THSD4: variants seen among roughly 807,000 people sequenced by gnomAD.
The protein encoded by THSD4 is thrombospondin type 1 domain containing 4.
Under a neutral mutation model 119.0 loss-of-function variants are expected in THSD4, and 69 were observed. The observed-to-expected ratio is 0.58, with a 90% CI of 0.48 to 0.71. The LOEUF (loss-of-function observed/expected upper bound fraction) is 0.71. THSD4 is among the 30% of genes least tolerant of loss of function. The pLI, the probability that THSD4 is intolerant of heterozygous loss-of-function variation, is 0.00. For synonymous variants in THSD4, 524 were observed against 540.4 expected, an observed-to-expected ratio of 0.97 and a Z score of 0.42; for missense variants, 1,393 against 1,391.1, an observed-to-expected ratio of 1.00 and a Z score of -0.02.
intron 4 of THSD4, among the ~76,000 whole-genome samples, chr15:71,225,539 C>CTTTTTTTTTTTTTTT (rs1040381361): frequency 1.9e-5 from 2 of 105,384 alleles, no homozygotes; most frequent in Non-Finnish European, 2.0e-5. Flanking sequence ...TTTTCTTTTT[C>CTTTTTTTTTTTTTTT]TTTTTTTTTT....
intron 11 of THSD4, among the ~76,000 whole-genome samples, chr15:71,740,586 C>A (rs914588368): frequency 6.6e-6 from 1 of 152,148 alleles, no homozygotes; most frequent in African/African-American, 2.4e-5. Flanking sequence ...CCCTGTGTCT[C>A]CTCCAGACGC....
chr15:71,770,672 A>G (rs1279860873), intron 16 of THSD4, among the ~76,000 whole-genome samples: 1 of 152,164 alleles, frequency 6.6e-6, no homozygotes, highest in Non-Finnish European at 1.5e-5. Context: ...AAAAAAATCT[A>G]TAGGATTCGC....
chr15:71,642,780 TCA>T (rs1386530900), intron 7 of THSD4, among the ~76,000 whole-genome samples: 1 of 149,658 alleles, frequency 6.7e-6, no homozygotes, highest in African/African-American at 2.5e-5. Flanking sequence ...AAGGGGAACA[TCA>T]CACTCTGGGG....
intron 8 of THSD4, among the ~76,000 whole-genome samples, chr15:71,702,490 G>A (rs959858692): frequency 2.0e-5 from 3 of 152,024 alleles, no homozygotes. Context: ...CTGAATTTGG[G>A]GGCTCAAGCC....
intron 11 of THSD4, among the ~76,000 whole-genome samples, chr15:71,738,639 G>T (rs2053175142): frequency 6.6e-6 from 1 of 152,218 alleles, no homozygotes; most frequent in African/African-American, 2.4e-5. Context: ...GAGTCACACA[G>T]GGATGCACTT....
intron 6 of THSD4, among the ~76,000 whole-genome samples, chr15:71,375,864 A>G (rs2046128928): frequency 6.6e-6 from 1 of 152,172 alleles, no homozygotes; most frequent in African/African-American, 2.4e-5. Context: ...GGACCCTGGC[A>G]ATCTGGGTTT....
chr15:71,737,945 G>T lies in THSD4; in HGVS notation c.1844G>T (p.Arg615Leu). Residue 615 changes from arginine (R) to leucine (L), a missense_variant, in exon 11 of 18, where the codon CGC (arginine) becomes CTC (leucine). By Grantham distance (102) the Arg-to-Leu change is moderately radical. Transcript: ENST00000261862. The stretch of plus-strand genomic sequence containing the variant: ...CCACCAGCACCGCAGCCCCCACGGC[G>T]CAGCCGGGATCACAACTGGAAGCAG... ...LVPPAPQPPR[R>L]SRDHNWKQLG... The T allele has an allele frequency of 6.2e-7, 1 of 1,614,052 alleles. No individual in the cohort carries two copies. The highest frequency in any genetic ancestry group is 8.5e-7 in the Non-Finnish European group (1 of 1,179,936).
intron 6 of THSD4, among the ~76,000 whole-genome samples, chr15:71,355,950 C>T (rs1345933562): frequency 1.3e-5 from 2 of 152,144 alleles, no homozygotes; most frequent in East Asian, 1.9e-4. Flanking sequence ...TCACTGCAAC[C>T]TCTGCCGCCC....
chr15:71,298,252 T>C (rs914877426), intron 6 of THSD4, among the ~76,000 whole-genome samples: 5 of 152,206 alleles, frequency 3.3e-5, no homozygotes, highest in Non-Finnish European at 7.3e-5. Flanking sequence ...TGATCATAGA[T>C]ACAAGGATTT....
At chr15:71,396,112 G>C (rs1431090406) in intron 6 of THSD4, among the ~76,000 whole-genome samples, 1 of 152,036 alleles carries the variant, frequency 6.6e-6, no homozygotes, top group Non-Finnish European at 1.5e-5. Context: ...TGAATGAAAC[G>C]TGTGGATGTG....
At chr15:71,669,274 A>C (rs1033798369) in intron 8 of THSD4, among the ~76,000 whole-genome samples, 8 of 152,180 alleles carry the variant, frequency 5.3e-5, no homozygotes, top group African/African-American at 1.9e-4. Context: ...TTTAAATTGC[A>C]CTTGTAGTTT....
intron 3 of THSD4, among the ~76,000 whole-genome samples, chr15:71,180,244 T>G (rs1263511413): frequency 2.6e-5 from 4 of 150,978 alleles, no homozygotes; most frequent in Non-Finnish European, 5.9e-5. Flanking sequence ...TTGCAAATCA[T>G]ATATCTGATA....
intron 15 of THSD4, among the ~76,000 whole-genome samples, chr15:71,759,198 A>T (rs1368724101): frequency 6.6e-6 from 1 of 152,252 alleles, no homozygotes; most frequent in Non-Finnish European, 1.5e-5. Flanking sequence ...GTTTTTATGC[A>T]AAAAGCATAG....
intron 7 of THSD4, among the ~76,000 whole-genome samples, chr15:71,530,772 A>G (rs1470528346): frequency 3.3e-5 from 5 of 151,454 alleles, no homozygotes; most frequent in Middle Eastern, 6.8e-3. Flanking sequence ...ACCAGAAAAC[A>G]TGGGTTGATA....
chr15:71,512,107 A>G (rs2048292021), intron 7 of THSD4, among the ~76,000 whole-genome samples: 1 of 152,130 alleles, frequency 6.6e-6, no homozygotes, highest in Non-Finnish European at 1.5e-5. Flanking sequence ...CTAAGAAATC[A>G]GGGGGTAACC....
At chr15:71,554,247 GC>G (rs2048981673) in intron 7 of THSD4, among the ~76,000 whole-genome samples, 1 of 150,942 alleles carries the variant, frequency 6.6e-6, no homozygotes, top group South Asian at 2.1e-4. Flanking sequence ...CCACCGCCAT[GC>G]CCGGCTAATT....
At chr15:71,374,132 CAT>C (rs925587545) in intron 6 of THSD4, among the ~76,000 whole-genome samples, 8 of 152,198 alleles carry the variant, frequency 5.3e-5, no homozygotes, top group African/African-American at 1.7e-4. Context: ...GATGCAAACA[CAT>C]GTTTCTAGTG....
At chr15:71,772,600 A>G (rs547604723) in intron 17 of THSD4, among the ~76,000 whole-genome samples, 1 of 152,210 alleles carries the variant, frequency 6.6e-6, no homozygotes, top group Non-Finnish European at 1.5e-5. Flanking sequence ...AAAGCTACAG[A>G]AACTAAAACT....
intron 6 of THSD4, among the ~76,000 whole-genome samples, chr15:71,410,394 G>A (rs2046670453): frequency 6.6e-6 from 1 of 152,292 alleles, no homozygotes; most frequent in Non-Finnish European, 1.5e-5. Flanking sequence ...TCCATGGAGG[G>A]CTTCCTGAGG....
Sources: gnomAD v4.1 joint callset for allele counts (sites outside exome capture counted in the v4.1 genomes callset) on GRCh38, gnomAD v4.1.1 for gene constraint, MANE v1.5 for transcripts, NCBI Gene and HGNC (gene_info 2026-07-23, HGNC 2026-07-21) for gene names.